Variants in MAP3K20 observed in about 807,000 individuals in gnomAD.
MAP3K20 encodes the protein mitogen-activated protein kinase kinase kinase 20.
MAP3K20 carries 40 observed loss-of-function variants against 85.7 expected under a neutral mutation model. That is an observed-to-expected ratio of 0.47 (90% CI 0.36 to 0.61). The LOEUF is 0.61. Ranked by LOEUF, MAP3K20 falls within the 20% of genes least tolerant of loss-of-function variation. MAP3K20 has a pLI of 0.00. For missense variants in MAP3K20, 817 were observed against 961.7 expected (o/e 0.85, Z 1.99); for synonymous variants, 325 against 327.7 (o/e 0.99, Z 0.09).
intron 2 of MAP3K20, among the ~76,000 whole-genome samples, chr2:173,113,817 A>G (rs979126040): frequency 2.0e-5 from 3 of 152,084 alleles, no homozygotes; most frequent in Admixed American, 6.5e-5. Context: ...CATATGGTCT[A>G]TCTTGGAGAA....
intron 3 of MAP3K20, among the ~76,000 whole-genome samples, chr2:173,179,867 T>G (rs571389670): frequency 6.6e-6 from 1 of 152,050 alleles, no homozygotes; most frequent in Non-Finnish European, 1.5e-5. Flanking sequence ...AAGAATTCCA[T>G]TTACAGTAGC....
At chr2:173,249,767 G>C (rs1485309215) in intron 16 of MAP3K20, among the ~76,000 whole-genome samples, 1 of 152,072 alleles carries the variant, frequency 6.6e-6, no homozygotes, top group Non-Finnish European at 1.5e-5. Context: ...TGAAGACCTA[G>C]TACTTTCCAA....
At chr2:173,161,439 AG>A (rs1380872921) in intron 2 of MAP3K20, among the ~76,000 whole-genome samples, 3 of 152,252 alleles carry the variant, frequency 2.0e-5, no homozygotes, top group Non-Finnish European at 4.4e-5. Flanking sequence ...TGTACGGTTC[AG>A]GGTTAACATT....
intron 4 of MAP3K20, among the ~76,000 whole-genome samples, chr2:173,186,084 C>T (rs1021198067): frequency 3.3e-5 from 5 of 152,198 alleles, no homozygotes; most frequent in African/African-American, 1.2e-4. Flanking sequence ...TACTATGCAT[C>T]GTACACTAAT....
At chr2:173,075,566 C>CT (rs1321580078), upstream of MAP3K20, 1 of 183,358 alleles carries the variant, frequency 5.5e-6, no homozygotes, top group Non-Finnish European at 1.0e-5. Flanking sequence ...TTGTTGAAGA[C>CT]TGAGTTGAAG....
At chr2:173,145,441 G>A (rs1689109990) in intron 2 of MAP3K20, among the ~76,000 whole-genome samples, 4 of 152,056 alleles carry the variant, frequency 2.6e-5, no homozygotes, top group African/African-American at 7.2e-5. Flanking sequence ...AAAAGATAAC[G>A]ATTTTCAAAA....
intron 3 of MAP3K20, among the ~76,000 whole-genome samples, chr2:173,178,549 C>A (rs1003093940): frequency 6.6e-6 from 1 of 152,136 alleles, no homozygotes; most frequent in African/African-American, 2.4e-5. Flanking sequence ...GAGGCTGAGG[C>A]ATGAGAATTG....
At chr2:173,144,435 C>G (rs1192563193) in intron 2 of MAP3K20, among the ~76,000 whole-genome samples, 8 of 130,880 alleles carry the variant, frequency 6.1e-5, no homozygotes, top group Non-Finnish European at 1.2e-4. Context: ...TGCACTCCAG[C>G]CTGGGCAACA....
chr2:173,224,047 G>T, intron 11 of MAP3K20: 1 of 972,874 alleles, frequency 1.0e-6, no homozygotes, highest in Non-Finnish European at 1.2e-6. Context: ...GAAAATCTTT[G>T]CACTCACAGA....
rs562535698 is a variant in MAP3K20, at chr2:173,110,629, G to A, written c.159+19439G>A. On this transcript the variant is annotated intron_variant, in intron 2 of 19. Coordinates refer to ENST00000375213, the MANE Select transcript of MAP3K20 (RefSeq NM_016653.3). ...CATTGCATCATTCTTATGCATTTGC[G>A]TCCTCATAGCTTAGCTCCCACATAT... 1.8e-4 allele frequency among the ~76,000 whole-genome samples: 28 copies of A among 151,714 alleles called. No homozygotes were observed. The East Asian group carries it at 3.5e-3, about 19-fold the overall frequency.
rs746511404 is a variant in MAP3K20, at chr2:173,267,118, GATGA to G, written c.*372_*375del. 14 of 162,260 alleles carry G rather than the reference GATGA, an allele frequency of 8.6e-5. No individual in the cohort carries two copies. The highest frequency in any genetic ancestry group is 1.9e-4 in the Non-Finnish European group (14 of 75,018). The allele number at this position is 162,260 out of a possible 1,614,324, so 10.1% of individuals were successfully genotyped here. On this transcript the variant is annotated 3_prime_UTR_variant, in exon 20 of 20. Transcript: ENST00000375213. The stretch of plus-strand genomic sequence containing the variant: ...AAATCAAATTTTTAGGAAAAGATAA[GATGA>G]ATGTTACTGATTTTTCCTTTTGGCT...
intron 1 of MAP3K20, among the ~76,000 whole-genome samples, chr2:173,087,498 A>G (rs1687175456): frequency 6.6e-6 from 1 of 152,252 alleles, no homozygotes; most frequent in African/African-American, 2.4e-5. Context: ...GAATTAGAAT[A>G]CATGAGTTAC....
intron 16 of MAP3K20, among the ~76,000 whole-genome samples, chr2:173,253,887 G>A (rs1029666014): frequency 4.0e-5 from 6 of 151,890 alleles, no homozygotes; most frequent in African/African-American, 1.5e-4. Flanking sequence ...GGACAACATA[G>A]TGAGACTTCA....
chr2:173,186,125 C>A (rs141695203), intron 4 of MAP3K20, among the ~76,000 whole-genome samples: 1 of 152,160 alleles, frequency 6.6e-6, no homozygotes, highest in African/African-American at 2.4e-5. Context: ...TATAATCTTC[C>A]ATGAGGAAGG....
chr2:173,214,910 A>C (rs1392308819), intron 10 of MAP3K20, among the ~76,000 whole-genome samples: 1 of 152,214 alleles, frequency 6.6e-6, no homozygotes, highest in Non-Finnish European at 1.5e-5. Context: ...TACATCTCTA[A>C]TGGCATATAA....
chr2:173,239,299 G>C (rs1236577371), intron 15 of MAP3K20, 105 bp from the exon 16 acceptor site: 1 of 863,912 alleles, frequency 1.2e-6, no homozygotes, highest in Non-Finnish European at 1.7e-6. Flanking sequence ...AAAGTTAATA[G>C]ATTAGAATAG....
chr2:173,146,137 T>C (rs1007511547), intron 2 of MAP3K20, among the ~76,000 whole-genome samples: 2 of 152,166 alleles, frequency 1.3e-5, no homozygotes, highest in African/African-American at 4.8e-5. Flanking sequence ...GCATATATTT[T>C]CAAGACTCTA....
intron 17 of MAP3K20, among the ~76,000 whole-genome samples, chr2:173,260,058 C>T (rs570714725): frequency 1.2e-4 from 18 of 152,208 alleles, no homozygotes; most frequent in African/African-American, 3.6e-4. Flanking sequence ...AACAAACAAA[C>T]GACAGCAACA....
intron 16 of MAP3K20, among the ~76,000 whole-genome samples, chr2:173,243,828 TTAG>T (rs1377191329): frequency 1.3e-5 from 2 of 152,090 alleles, no homozygotes; most frequent in Non-Finnish European, 2.9e-5. Context: ...TTTCACCGTG[TTAG>T]TAGCCAGGAT....
Sources: allele counts gnomAD v4.1 joint callset (sites outside exome capture counted in the v4.1 genomes callset), GRCh38; gene constraint gnomAD v4.1.1; transcripts MANE v1.5; gene names NCBI Gene and HGNC (gene_info 2026-07-23, HGNC 2026-07-21).